Variants in ALDH9A1 observed in about 807,000 individuals in gnomAD.
ALDH9A1 encodes the protein aldehyde dehydrogenase 9 family member A1, also known as 4-trimethylaminobutyraldehyde dehydrogenase.
A neutral mutation model predicts 56.6 loss-of-function variants in ALDH9A1; 42 were observed. The observed-to-expected ratio is 0.74, with a 90% confidence interval of 0.58 to 0.96. The LOEUF is 0.96. Among genes scored for constraint, ALDH9A1 ranks in the 40% least tolerant of loss-of-function variants. The probability of loss-of-function intolerance (pLI) is 0.00; values close to 1 mark genes in which losing one functional copy is unlikely to be tolerated. For missense variants in ALDH9A1, 661 were observed against 651.5 expected, an observed-to-expected ratio of 1.01 and a Z score of -0.16; for synonymous variants, 242 against 236.0, an observed-to-expected ratio of 1.03 and a Z score of -0.23.
Position 165,682,185 on chromosome 1 carries a change from C to T in ALDH9A1, c.514G>A (p.Gly172Arg). ...SFGYTRREPL[G>R]VCVGIGAWNY... The stretch of plus-strand genomic sequence containing the variant: ...CATGCTCCTATTCCCACACATACCC[C>T]AAGTGGTTCTCTTCTGGTATAACCA... Residue 172 changes from glycine to arginine, a missense_variant, in exon 4 of 11, where the codon GGG becomes AGG. By Grantham distance (125) the Gly-to-Arg change is moderately radical (BLOSUM62 -2). Transcript: ENST00000354775. 6.2e-7 allele frequency: 1 copy of T among 1,613,988 alleles called. No individual in the cohort carries two copies. The highest frequency in any genetic ancestry group is 8.5e-7 in the Non-Finnish European group (1 of 1,179,906).
chr1:165,695,260 T>C lies in ALDH9A1; in HGVS notation c.319A>G (p.Ile107Val). Reference sequence around the variant, plus strand: ...AATAAATTGGAACATACCCTTATTATCCTGGCAGCCTCCAAAAGGATTCGG... The same window carrying C: ...AATAAATTGGAACATACCCTTATTACCCTGGCAGCCTCCAAAAGGATTCGG... ...RCRILLEAARIIREREDEIAT... is the reference protein window; with the variant it reads ...RCRILLEAARVIREREDEIAT... The change falls in exon 2 of 11, where the codon ATA (isoleucine) becomes GTA (valine). Residue 107 changes from isoleucine (I) to valine (V), a missense_variant. By Grantham distance (29) the Ile-to-Val change is conservative. Transcript: ENST00000354775. The C allele has an allele frequency of 6.2e-7, 1 of 1,608,264 alleles. No homozygotes were observed. Among genetic ancestry groups the C allele is most frequent in the South Asian group, 1.1e-5 (1 of 89,966 alleles).
At chr1:165,669,044 T>G in intron 7 of ALDH9A1, 31 bp from the exon 8 acceptor site, 1 of 1,544,956 alleles carries the variant, frequency 6.5e-7, no homozygotes. Flanking sequence ...TATGTTGTAT[T>G]AAAAATATAA....
At chr1:165,685,266 G>A (rs1649671894) in intron 2 of ALDH9A1, among the ~76,000 whole-genome samples, 1 of 152,150 alleles carries the variant, frequency 6.6e-6, no homozygotes, top group African/African-American at 2.4e-5. Flanking sequence ...CCAAGAGTAG[G>A]TCCCTCACTT....
intron 6 of ALDH9A1, chr1:165,676,580 A>G (rs141892989): frequency 6.5e-5 from 18 of 276,002 alleles, no homozygotes; most frequent in Non-Finnish European, 9.7e-5. Flanking sequence ...TAACGTGCAC[A>G]TTGAGCACAT....
intron 2 of ALDH9A1, among the ~76,000 whole-genome samples, chr1:165,685,875 CTTCT>C (rs1489054370): frequency 6.6e-6 from 1 of 152,200 alleles, no homozygotes; most frequent in African/African-American, 2.4e-5. Flanking sequence ...TACACAATCT[CTTCT>C]TTATTTAGAT....
At position 165,679,503 on chromosome 1, in the gene ALDH9A1, T is replaced by C. The variant is rs1411795205; in HGVS notation, c.869A>G (p.Asp290Gly). ...CTTTACAGCATTGTTCATATCACAG[T>C]CTGAGAAGATGATGAGTGGAGATTT... ...GGKSPLIIFS[D>G]CDMNNAVKGA... The change falls in exon 6 of 11, where the codon GAC becomes GGC. Residue 290 changes from aspartate (D) to glycine (G), a missense_variant. Physicochemically the swap from Asp to Gly is moderately conservative, Grantham distance 94 (BLOSUM62 -1). Transcript: ENST00000354775. 1 of 1,614,148 alleles carries C rather than the reference T, an allele frequency of 6.2e-7. No homozygotes were observed.
At chr1:165,697,817 T>C (rs1167002611) in intron 1 of ALDH9A1, among the ~76,000 whole-genome samples, 1 of 151,446 alleles carries the variant, frequency 6.6e-6, no homozygotes, top group Non-Finnish European at 1.5e-5. Context: ...TCACCTAAGC[T>C]CAGGAGTTCG....
chr1:165,696,510 AAT>A (rs1470271392), intron 1 of ALDH9A1, among the ~76,000 whole-genome samples: 1 of 152,208 alleles, frequency 6.6e-6, no homozygotes, highest in Non-Finnish European at 1.5e-5. Flanking sequence ...ATACTTGATA[AAT>A]ATAGTTAATA....
In ALDH9A1 at chr1:165,665,002, C is replaced by T; in HGVS notation, c.1462+16G>A. On this transcript the variant is annotated intron_variant, in intron 10 of 10. Transcript: ENST00000354775. ...TCTAGAGACCTAGTTTGCATTCACA[C>T]CTCCCAGCTCCTCACCTGACTTCTT... 1.9e-6 allele frequency: 3 copies of T among 1,604,418 alleles called. No homozygotes were observed. The highest frequency in any genetic ancestry group is 1.3e-5 in the African/African-American group (1 of 74,804).
chr1:165,682,361 C>G (rs1056083631), intron 3 of ALDH9A1, 120 bp from the exon 4 acceptor site: 4 of 1,043,720 alleles, frequency 3.8e-6, no homozygotes, highest in Non-Finnish European at 5.5e-6. Context: ...TCCCAATACA[C>G]CAGGCTCACC....
At chr1:165,694,722 C>G (rs897260798) in intron 2 of ALDH9A1, among the ~76,000 whole-genome samples, 3 of 151,962 alleles carry the variant, frequency 2.0e-5, no homozygotes, top group Non-Finnish European at 4.4e-5. Flanking sequence ...TTTGTGAGGC[C>G]GATGTGGGTG....
Position 165,669,411 on chromosome 1 carries a change from T to C in ALDH9A1, c.970A>G (p.Ile324Val). ...NGTRVFVQKE[I>V]LDKFTEEVVK... The stretch of plus-strand genomic sequence containing the variant: ...ACTTCCTCTGTAAATTTATCAAGAA[T>C]TTCTTTCTGCACAAATACTCTTGTG... Residue 324 changes from isoleucine to valine, a missense_variant, in exon 7 of 11, where the codon ATT becomes GTT. Coordinates refer to ENST00000354775, the MANE Select transcript of ALDH9A1 (RefSeq NM_000696.4). 6.2e-7 allele frequency: 1 copy of C among 1,613,830 alleles called. No individual in the cohort carries two copies. Among genetic ancestry groups the C allele is most frequent in the Non-Finnish European group, 8.5e-7 (1 of 1,179,894 alleles).
intron 6 of ALDH9A1, among the ~76,000 whole-genome samples, chr1:165,675,992 A>G (rs2101742940): frequency 6.6e-6 from 1 of 152,336 alleles, no homozygotes; most frequent in East Asian, 1.9e-4. Context: ...AATGGGAGTC[A>G]AATTTCTTAC....
At chr1:165,679,338 T>A (rs995564409) in intron 6 of ALDH9A1, 104 bp downstream of exon 6, 3 of 1,348,834 alleles carry the variant, frequency 2.2e-6, no homozygotes, top group Non-Finnish European at 3.0e-6. Context: ...TTGTGCAACT[T>A]TTCTGTAAGT....
chr1:165,667,554 T>C (rs1558002016), intron 8 of ALDH9A1, 104 bp from the exon 9 acceptor site: 2 of 1,312,862 alleles, frequency 1.5e-6, no homozygotes, highest in Middle Eastern at 2.4e-4. Flanking sequence ...TTGCCCAGTC[T>C]GGTCTCAAAC....
rs372002782 is a variant in ALDH9A1, at chr1:165,683,107, G to C, written c.331C>G (p.Arg111Gly). The C allele has an allele frequency of 6.2e-7, 1 of 1,613,670 alleles. No homozygotes were observed. Among genetic ancestry groups the C allele is most frequent in the Non-Finnish European group, 8.5e-7 (1 of 1,179,768 alleles). The change falls in exon 3 of 11, where the codon CGG becomes GGG. Residue 111 changes from arginine to glycine, a missense_variant. Arg to Gly is a moderately radical substitution (Grantham distance 125). Coordinates refer to ENST00000354775, the MANE Select transcript of ALDH9A1 (RefSeq NM_000696.4). ...TCCATAGTAGCAATTTCATCCTCCC[G>C]TTCCTTTGGGTAAAGCAGAAGACTA... Reference protein sequence around the residue: ...LLEAARIIREREDEIATMECI... With the variant: ...LLEAARIIREGEDEIATMECI...
rs1280303396 is a variant in ALDH9A1 at position 165,662,332 on chromosome 1, C to G, written c.*718G>C. The G allele has an allele frequency of 6.6e-6, 1 of 152,206 alleles. No individual in the cohort carries two copies. Among genetic ancestry groups the G allele is most frequent in the Non-Finnish European group, 1.5e-5 (1 of 68,054 alleles). The allele number at this position is 152,206 out of a possible 1,614,324, so 9.4% of individuals were successfully genotyped here. A position where few individuals can be genotyped will look rare whatever the true frequency, so the allele number is the denominator to read the frequency against. On this transcript the variant is annotated 3_prime_UTR_variant, in exon 11 of 11. Coordinates refer to ENST00000354775, the MANE Select transcript of ALDH9A1 (RefSeq NM_000696.4). ...GACAGCAGGCTGTAGTTCAAGGACCCAAGATAGGGAGATAGATTTCCTCTA... is the reference window on the plus strand; with the variant it reads ...GACAGCAGGCTGTAGTTCAAGGACCGAAGATAGGGAGATAGATTTCCTCTA...
intron 4 of ALDH9A1, among the ~76,000 whole-genome samples, chr1:165,680,912 T>TG (rs1468579520): frequency 2.0e-5 from 3 of 152,206 alleles, no homozygotes; most frequent in Non-Finnish European, 4.4e-5. Context: ...CAGTTCCACA[T>TG]GGCTAGGGAG....
intron 2 of ALDH9A1, among the ~76,000 whole-genome samples, chr1:165,684,949 GC>G (rs1649661170): frequency 6.6e-6 from 1 of 151,856 alleles, no homozygotes; most frequent in African/African-American, 2.4e-5. Flanking sequence ...TAATTAGATG[GC>G]CTTGGGAAAT....
Sources: allele counts gnomAD v4.1 joint callset (sites outside exome capture counted in the v4.1 genomes callset), GRCh38; gene constraint gnomAD v4.1.1; transcripts MANE v1.5; gene names NCBI Gene and HGNC (gene_info 2026-07-23, HGNC 2026-07-21).